The following THSD4 variants were observed in gnomAD, a reference collection of about 807,000 sequenced individuals.
The protein encoded by THSD4 is thrombospondin type 1 domain containing 4, also known as thrombospondin type-1 domain-containing protein 4.
In THSD4, 69 loss-of-function variants were observed where a neutral mutation model predicts 119.0. The ratio of observed to expected loss-of-function variants is 0.58; its 90% CI spans 0.48 to 0.71. The LOEUF (loss-of-function observed/expected upper bound fraction) is 0.71. THSD4 is among the 30% of genes least tolerant of loss of function. The pLI is 0.00. For missense variants in THSD4, 1,393 were observed against 1,391.1 expected (o/e 1.00, Z -0.02); for synonymous variants, 524 against 540.4 (o/e 0.97, Z 0.42).
intron 7 of THSD4, among the ~76,000 whole-genome samples, chr15:71,627,880 A>T (rs1162819406): frequency 2.0e-5 from 3 of 152,170 alleles, no homozygotes; most frequent in East Asian, 1.9e-4. Context: ...CAGGAACTTC[A>T]TGTGGGGGTT....
chr15:71,280,611 CCT>C (rs202107485), intron 6 of THSD4, among the ~76,000 whole-genome samples: 1 of 151,488 alleles, frequency 6.6e-6, no homozygotes, highest in Non-Finnish European at 1.5e-5. Context: ...TCCCTCCCTC[CCT>C]CTCTCTCTCA....
In THSD4 at chr15:71,415,290, G is replaced by T. The variant is rs147387302; in HGVS notation, c.1152+3467G>T. On this transcript the variant is annotated intron_variant, in intron 7 of 17. Coordinates refer to ENST00000261862, the MANE Select transcript of THSD4 (RefSeq NM_024817.3). ...CCTCACATCAAGCCAAGTAAAGGCC[G>T]CAGGCCCACCCATTGCTGGCTTGAA... Among the ~76,000 whole-genome samples the T allele has an allele frequency of 8.6e-4, 131 of 152,338 alleles. 1 individual carries two copies. Among genetic ancestry groups the T allele is most frequent in the East Asian group, 5.8e-4 (3 of 5,184 alleles).
At chr15:71,193,836 T>TC (rs762057135) in intron 3 of THSD4, among the ~76,000 whole-genome samples, 2 of 151,892 alleles carry the variant, frequency 1.3e-5, no homozygotes, top group African/African-American at 2.4e-5. Flanking sequence ...GCCTCCCTAG[T>TC]CCCCCCTGGG....
At chr15:71,100,907 G>C (rs548460266) in intron 1 of THSD4, among the ~76,000 whole-genome samples, 1 of 152,072 alleles carries the variant, frequency 6.6e-6, no homozygotes, top group African/African-American at 2.4e-5. Context: ...ACCGGAGCCT[G>C]GGAGGTTAAG....
intron 8 of THSD4, among the ~76,000 whole-genome samples, chr15:71,720,081 G>C (rs997207561): frequency 4.8e-5 from 6 of 125,448 alleles, no homozygotes; most frequent in Non-Finnish European, 9.4e-5. Flanking sequence ...GTTTGAGACA[G>C]GGTCCCACTC....
chr15:71,673,691 CTT>C (rs925978746), intron 8 of THSD4, among the ~76,000 whole-genome samples: 6 of 152,328 alleles, frequency 3.9e-5, no homozygotes, highest in African/African-American at 1.2e-4. Flanking sequence ...TACATTGTGT[CTT>C]TGTTCTCATT....
At chr15:71,168,925 A>G (rs1218145454) in intron 3 of THSD4, among the ~76,000 whole-genome samples, 1 of 152,236 alleles carries the variant, frequency 6.6e-6, no homozygotes, top group Non-Finnish European at 1.5e-5. Context: ...TTCTTAAACA[A>G]GACACAAAAA....
intron 3 of THSD4, among the ~76,000 whole-genome samples, chr15:71,180,506 G>C (rs1052116893): frequency 3.4e-5 from 5 of 148,132 alleles, no homozygotes; most frequent in Admixed American, 6.6e-5. Context: ...GGTGGTTTCA[G>C]GGGGGAATAC....
At chr15:71,283,153 T>C (rs893505192) in intron 6 of THSD4, among the ~76,000 whole-genome samples, 2 of 152,116 alleles carry the variant, frequency 1.3e-5, no homozygotes, top group Non-Finnish European at 2.9e-5. Flanking sequence ...GTATTTTTAG[T>C]AGAGACGGGG....
At chr15:71,203,195 GGGGGAC>G (rs1567156173) in intron 3 of THSD4, among the ~76,000 whole-genome samples, 4 of 152,142 alleles carry the variant, frequency 2.6e-5, no homozygotes, top group Non-Finnish European at 5.9e-5. Context: ...TGTGAGCATA[GGGGGAC>G]AGAGATGGAG....
intron 11 of THSD4, among the ~76,000 whole-genome samples, chr15:71,743,093 C>T (rs796897519): frequency 3.9e-5 from 6 of 152,200 alleles, no homozygotes; most frequent in African/African-American, 1.4e-4. Context: ...TGGCATTTTC[C>T]CACCTTCAGA....
At chr15:71,318,750 AAGACTT>A (rs2045225282) in intron 6 of THSD4, among the ~76,000 whole-genome samples, 1 of 152,116 alleles carries the variant, frequency 6.6e-6, no homozygotes, top group African/African-American at 2.4e-5. Context: ...CAATGAATCT[AAGACTT>A]AGAACAGAAG....
intron 7 of THSD4, chr15:71,547,778 GA>G (rs11424835): frequency 6.5e-3 from 1,235 of 190,526 alleles, no homozygotes; most frequent in East Asian, 0.018. Context: ...TGCTGTAGCA[GA>G]AAAAAAAAAA....
intron 7 of THSD4, among the ~76,000 whole-genome samples, chr15:71,595,160 G>C (rs1387195406): frequency 6.6e-6 from 1 of 152,206 alleles, no homozygotes; most frequent in Non-Finnish European, 1.5e-5. Flanking sequence ...TTCTATACAA[G>C]TAATGGGTGA....
chr15:71,459,160 C>CTTTTTTTTTTTTTTTTTTTTT (rs372209662), intron 7 of THSD4, among the ~76,000 whole-genome samples: 38 of 128,874 alleles, frequency 2.9e-4, no homozygotes, highest in Non-Finnish European at 4.1e-4. Context: ...TTCTTTTTTT[C>CTTTTTTTTTTTTTTTTTTTTT]TTTTTTTTTT....
At chr15:71,734,739 T>C (rs564170997) in intron 10 of THSD4, among the ~76,000 whole-genome samples, 1 of 150,466 alleles carries the variant, frequency 6.6e-6, no homozygotes, top group Non-Finnish European at 1.5e-5. Context: ...TGTGCCTGTG[T>C]GGTGGGAGGA....
chr15:71,445,829 C>T (rs1280610744), intron 7 of THSD4, among the ~76,000 whole-genome samples: 1 of 152,178 alleles, frequency 6.6e-6, no homozygotes, highest in Non-Finnish European at 1.5e-5. Flanking sequence ...TTATCCATGA[C>T]GGGATATGAA....
intron 8 of THSD4, among the ~76,000 whole-genome samples, chr15:71,683,694 G>A (rs2051845005): frequency 6.6e-6 from 1 of 152,134 alleles, no homozygotes; most frequent in African/African-American, 2.4e-5. Context: ...GTTCAGTCTG[G>A]CCAGGCTCAG....
intron 7 of THSD4, among the ~76,000 whole-genome samples, chr15:71,572,491 A>C (rs1337834476): frequency 6.6e-6 from 1 of 152,158 alleles, no homozygotes; most frequent in African/African-American, 2.4e-5. Flanking sequence ...GCTGGAAAGC[A>C]CAGCCTGGCA....
Sources: allele counts gnomAD v4.1 joint callset (sites outside exome capture counted in the v4.1 genomes callset), GRCh38; gene constraint gnomAD v4.1.1; transcripts MANE v1.5; gene names NCBI Gene and HGNC (gene_info 2026-07-23, HGNC 2026-07-21).